The following SRRM4 variants were observed in gnomAD, a reference collection of about 807,000 sequenced individuals.
SRRM4 encodes serine/arginine repetitive matrix protein 4.
A neutral mutation model predicts 68.9 loss-of-function variants in SRRM4; 33 were observed. That is an observed-to-expected ratio of 0.48 (90% CI 0.36 to 0.64). The LOEUF is 0.64. SRRM4 is among the 30% of genes least tolerant of loss of function. The pLI, the probability that SRRM4 is intolerant of heterozygous loss-of-function variation, is 0.00. For missense variants in SRRM4, 817 were observed against 827.1 expected (o/e 0.99, Z 0.15); for synonymous variants, 318 against 318.8 (o/e 1.00, Z 0.03).
At chr12:118,994,986 A>G (rs1307813844) in intron 1 of SRRM4, among the ~76,000 whole-genome samples, 1 of 152,180 alleles carries the variant, frequency 6.6e-6, no homozygotes, top group Non-Finnish European at 1.5e-5. Context: ...AAAGGCATTT[A>G]CCCAAAGTCA....
intron 1 of SRRM4, chr12:119,001,641 T>C (rs1190984015): frequency 6.6e-6 from 1 of 152,200 alleles, no homozygotes; most frequent in Non-Finnish European, 1.5e-5. Flanking sequence ...TTGTTATTTC[T>C]ATATTACAGA....
In SRRM4 at chr12:119,040,264, A is replaced by T. The variant is rs190994685; in HGVS notation, c.131+58251A>T. Among the ~76,000 whole-genome samples the T allele has an allele frequency of 1.7e-3, 253 of 152,212 alleles. 2 individuals are homozygous for T. The highest frequency in any genetic ancestry group is 5.6e-3 in the African/African-American group (231 of 41,524). On this transcript the variant is annotated intron_variant, in intron 1 of 12. Coordinates refer to ENST00000267260, the MANE Select transcript of SRRM4 (RefSeq NM_194286.4). ...ATTTGGTTACATGAGTAAGTTCTTT[A>T]GTGGTGATTTGTGAGATCCTGGTGC...
intron 9 of SRRM4, among the ~76,000 whole-genome samples, chr12:119,147,870 C>G (rs1954413954): frequency 1.3e-5 from 2 of 152,216 alleles, no homozygotes; most frequent in South Asian, 4.1e-4. Flanking sequence ...AGGTTACTGT[C>G]ATCATAATAG....
chr12:119,121,319 C>T (rs1954218180), intron 5 of SRRM4, among the ~76,000 whole-genome samples: 1 of 152,176 alleles, frequency 6.6e-6, no homozygotes, highest in African/African-American at 2.4e-5. Context: ...CCCTCTGCAA[C>T]CAGTCTAGCT....
Position 119,154,230 on chromosome 12 carries a change from C to T in SRRM4, c.1392-13C>T, listed in dbSNP as rs770413589. On this transcript the variant is annotated splice_polypyrimidine_tract_variant and intron_variant, in intron 11 of 12. Transcript: ENST00000267260. This position sits in a 1 kb window ranked among gnomAD's most constrained non-coding sequence, Gnocchi z 4.7. ...CAGCCCCAGCTCCCCAGTAACCCCC[C>T]GCGCCCCTTCAGGGAGCGGGATCCC... is the stretch of plus-strand genomic sequence containing the variant. 7.5e-6 allele frequency: 12 copies of T among 1,591,460 alleles called. No homozygotes were observed. The highest frequency in any genetic ancestry group is 1.3e-5 in the African/African-American group (1 of 74,532).
At chr12:119,121,295 T>C (rs1954218017) in intron 5 of SRRM4, among the ~76,000 whole-genome samples, 1 of 152,196 alleles carries the variant, frequency 6.6e-6, no homozygotes, top group Non-Finnish European at 1.5e-5. Context: ...AGGCCAGTAA[T>C]AGGTTCTTGG....
intron 1 of SRRM4, among the ~76,000 whole-genome samples, chr12:119,009,872 C>T (rs10775012): frequency 0.045 from 6,889 of 152,252 alleles, 205 homozygotes; most frequent in East Asian, 0.13. Flanking sequence ...CTTCAAGCAA[C>T]TTTTTCAGAT....
chr12:119,160,277 G>GTCTCTCTCTCTC lies in SRRM4; in HGVS notation c.*3490_*3491insCTCTCTCTCTCT, dbSNP rs1185496603. On this transcript the variant is annotated 3_prime_UTR_variant, in exon 13 of 13. Coordinates refer to ENST00000267260, the MANE Select transcript of SRRM4 (RefSeq NM_194286.4). The stretch of plus-strand genomic sequence containing the variant: ...TCTCTCTCTCTCTGTCTCTCTCTCT[G>GTCTCTCTCTCTC]TCTCTCTCTCTGTCTCTCTCTCTCT... 3.1e-5 allele frequency: 4 copies of GTCTCTCTCTCTC among 131,110 alleles called. No individual in the cohort carries two copies. The highest frequency in any genetic ancestry group is 1.2e-4 in the African/African-American group (4 of 34,444). The allele number at this position is 131,110 out of a possible 1,614,324, so 8.1% of individuals were successfully genotyped here.
chr12:119,118,301 C>T (rs770176374), intron 4 of SRRM4, among the ~76,000 whole-genome samples: 3 of 152,218 alleles, frequency 2.0e-5, no homozygotes, highest in Non-Finnish European at 4.4e-5. Flanking sequence ...CCGTATCATC[C>T]AATTTTCCTA....
chr12:119,106,100 G>T (rs1283434394), intron 2 of SRRM4, among the ~76,000 whole-genome samples: 1 of 152,178 alleles, frequency 6.6e-6, no homozygotes, highest in African/African-American at 2.4e-5. Flanking sequence ...TGTCAGGTTT[G>T]TCAAAGATCA....
At chr12:119,106,829 G>A (rs565169749) in intron 2 of SRRM4, among the ~76,000 whole-genome samples, 10 of 152,242 alleles carry the variant, frequency 6.6e-5, no homozygotes, top group South Asian at 6.2e-4. Context: ...TGCCCTGGCC[G>A]GAACTTGCAA....
At chr12:119,138,068 C>T (rs1954341929) in intron 8 of SRRM4, among the ~76,000 whole-genome samples, 1 of 152,030 alleles carries the variant, frequency 6.6e-6, no homozygotes, top group South Asian at 2.1e-4. Flanking sequence ...TAACAATGAT[C>T]TCGTGGGGTT....
rs756246265 is a variant in SRRM4 at position 119,145,550 on chromosome 12, G to A, written c.941G>A (p.Gly314Glu). Residue 314 changes from glycine (G) to glutamate (E), a missense_variant, in exon 9 of 13, where the codon GGG becomes GAG. By Grantham distance (98) the Gly-to-Glu change is moderately conservative. Transcript: ENST00000267260. ...GGCCAGGAGAAGGGGAGCCCCAGTG[G>A]GGGCTTGAGCAAGAGCCGGGAGCTC... Reference protein sequence around the residue: ...SRGQEKGSPSGGLSKSRELNS... With the variant: ...SRGQEKGSPSEGLSKSRELNS... The A allele has an allele frequency of 1.2e-6, 2 of 1,607,188 alleles. No individual in the cohort carries two copies. Among genetic ancestry groups the A allele is most frequent in the Non-Finnish European group, 8.5e-7 (1 of 1,176,366 alleles).
Position 119,026,751 on chromosome 12 carries a change from A to T in SRRM4, c.131+44738A>T, listed in dbSNP as rs1014210492. 8.6e-5 allele frequency among the ~76,000 whole-genome samples: 13 copies of T among 151,968 alleles called. No homozygotes were observed. The East Asian group carries it at 2.3e-3, about 27-fold the overall frequency. On this transcript the variant is annotated intron_variant, in intron 1 of 12. Coordinates refer to ENST00000267260, the MANE Select transcript of SRRM4 (RefSeq NM_194286.4). The stretch of plus-strand genomic sequence containing the variant: ...TTTTGTAGAGACAGGGTTTCAACAG[A>T]GGTTAGCCAGGCTGACCTCAAGTGA...
rs1207385390 is a variant in SRRM4 at position 119,159,948 on chromosome 12, C to G, written c.*3150C>G. On this transcript the variant is annotated 3_prime_UTR_variant, in exon 13 of 13. Transcript: ENST00000267260. The stretch of plus-strand genomic sequence containing the variant: ...CAGGACCCCACCAAGAAGGTCATTT[C>G]CAAACCCATCCTGGAAGGGCCCAGG... 2.0e-5 allele frequency: 3 copies of G among 151,906 alleles called. No homozygotes were observed. In the East Asian group the frequency reaches 5.8e-4, roughly 29 times the overall value. 9.4% of individuals were successfully genotyped at this position (151,906 alleles called of 1,614,324 possible).
rs972564414 is a variant in SRRM4, at chr12:119,038,401, C to T, written c.131+56388C>T. ...TAATTTTTTGTATTTTTAGTAGAGA[C>T]GGGGTTTCACCGTGTTAGCCAGGAT... is the stretch of plus-strand genomic sequence containing the variant. On this transcript the variant is annotated intron_variant, in intron 1 of 12. Transcript: ENST00000267260. Among the ~76,000 whole-genome samples, 4 of 151,938 alleles carry T rather than the reference C, an allele frequency of 2.6e-5. No homozygotes were observed. In the East Asian group the frequency reaches 5.8e-4, roughly 22 times the overall value.
At chr12:119,098,496 T>C (rs1346473792) in intron 1 of SRRM4, among the ~76,000 whole-genome samples, 3 of 152,214 alleles carry the variant, frequency 2.0e-5, no homozygotes, top group Non-Finnish European at 4.4e-5. Context: ...TTTTATTGAT[T>C]CATTGAAAAA....
chr12:118,981,798 G>T lies in SRRM4; in HGVS notation c.-85G>T. On this transcript the variant is annotated 5_prime_UTR_variant, in exon 1 of 13. Transcript: ENST00000267260. Reference sequence around the variant, plus strand: ...CTCTGGGTTTCACCCGGACAGAGCCGGGAGCTGGGTGTCGCCCCCGTTTGG... The same window carrying T: ...CTCTGGGTTTCACCCGGACAGAGCCTGGAGCTGGGTGTCGCCCCCGTTTGG... 2.1e-6 allele frequency: 3 copies of T among 1,442,382 alleles called. No homozygotes were observed. In the South Asian group the frequency reaches 4.0e-5, roughly 19 times the overall value. 89.3% of individuals were successfully genotyped at this position (1,442,382 alleles called of 1,614,324 possible).
intron 2 of SRRM4, among the ~76,000 whole-genome samples, chr12:119,113,668 C>T (rs1002028456): frequency 1.3e-5 from 2 of 152,070 alleles, no homozygotes; most frequent in East Asian, 3.8e-4. Flanking sequence ...TAAAAAAATC[C>T]CTGGAGCCTG....
Sources: allele counts gnomAD v4.1 joint callset (sites outside exome capture counted in the v4.1 genomes callset), GRCh38; gene constraint gnomAD v4.1.1; non-coding constraint Gnocchi (gnomAD v3.1); transcripts MANE v1.5; gene names NCBI Gene and HGNC (gene_info 2026-07-23, HGNC 2026-07-21).